NLRP6: variants seen among roughly 807,000 people sequenced by gnomAD.
NLRP6 encodes the protein NACHT, LRR and PYD domains-containing protein 6.
Under a neutral mutation model 70.9 loss-of-function variants are expected in NLRP6, and 55 were observed. That is an observed-to-expected ratio of 0.78 (90% CI 0.62 to 0.97). The LOEUF is 0.97. NLRP6 is among the 50% of genes least tolerant of loss of function. NLRP6 has a pLI of 0.00. For missense variants in NLRP6, 1,241 were observed against 1,238.3 expected (o/e 1.00, Z -0.03); for synonymous variants, 652 against 581.9 (o/e 1.12, Z -1.73).
chr11:278,582 G>C lies in NLRP6; in HGVS notation c.13G>C (p.Glu5Gln). The C allele has an allele frequency of 6.3e-7, 1 of 1,590,966 alleles. No homozygotes were observed. The highest frequency in any genetic ancestry group is 8.6e-7 in the Non-Finnish European group (1 of 1,169,558). ...AGGAAGAGACCCCATGGACCAGCCAGAGGCCCCCTGCTCCAGGTGAGTGCT... is the reference window on the plus strand; with the variant it reads ...AGGAAGAGACCCCATGGACCAGCCACAGGCCCCCTGCTCCAGGTGAGTGCT... MDQP[E>Q]APCSSTGPRL... is the part of the protein sequence containing the mutation. Residue 5 changes from glutamate to glutamine, a missense_variant, in exon 1 of 8, where the codon GAG (glutamate) becomes CAG (glutamine). Physicochemically the swap from Glu to Gln is conservative, Grantham distance 29. Transcript: ENST00000534750. The surrounding 1 kb of genome is among the most constrained non-coding windows in gnomAD (Gnocchi z 4.7).
intron 3 of NLRP6, 54 bp downstream of exon 3, chr11:279,926 C>T (rs2134007023): frequency 8.2e-6 from 12 of 1,460,226 alleles, no homozygotes; most frequent in East Asian, 5.0e-5. Flanking sequence ...TGGAGGGTCC[C>T]GGGGAGGACC....
chr11:279,751 T>C, intron 2 of NLRP6, 83 bp from the exon 3 acceptor site: 5 of 1,431,602 alleles, frequency 3.5e-6, no homozygotes, highest in Non-Finnish European at 4.7e-6. Flanking sequence ...GGACCCTGCG[T>C]GCTCCTCAGG....
chr11:279,578 C>A lies in NLRP6; in HGVS notation c.281C>A (p.Ala94Glu). 7.1e-7 allele frequency: 1 copy of A among 1,416,636 alleles called. No individual in the cohort carries two copies. The highest frequency in any genetic ancestry group is 9.2e-7 in the Non-Finnish European group (1 of 1,089,270). The allele number at this position is 1,416,636 out of a possible 1,614,324, so 87.8% of individuals were successfully genotyped here. The change falls in exon 2 of 8, where the codon GCG (alanine) becomes GAG (glutamate). Residue 94 changes from alanine to glutamate, a missense_variant. Coordinates refer to ENST00000534750, the MANE Select transcript of NLRP6 (RefSeq NM_001276700.2). ...AAGAGGGCGGACGCGCGCGACGTGG[C>A]GGCGCAGCTCCAGGAGCGGCGGCTG... is the stretch of plus-strand genomic sequence containing the variant. ...TLKRADARDV[A>E]AQLQERRLQR...
Position 278,682 on chromosome 11 carries a change from G to T in NLRP6, c.29+84G>T, listed in dbSNP as rs1845423107. On this transcript the variant is annotated intron_variant, in intron 1 of 7. Transcript: ENST00000534750. The surrounding 1 kb of genome is among the most constrained non-coding windows in gnomAD (Gnocchi z 4.7). ...TCCACCTCACCCGCTGACTTCCTCA[G>T]GCTCTCCACCCTTGTCCACATCCTT... is the stretch of plus-strand genomic sequence containing the variant. 9.0e-7 allele frequency: 1 copy of T among 1,111,554 alleles called. No individual in the cohort carries two copies. Among genetic ancestry groups the T allele is most frequent in the Non-Finnish European group, 1.3e-6 (1 of 775,926 alleles). The allele number at this position is 1,111,554 out of a possible 1,614,324, so 68.9% of individuals were successfully genotyped here.
chr11:283,343 T>C (rs1296824203), intron 5 of NLRP6, among the ~76,000 whole-genome samples: 1 of 129,136 alleles, frequency 7.7e-6, no homozygotes, highest in Non-Finnish European at 1.6e-5. Context: ...AGACGGAGCC[T>C]CGCTCTGTCG....
chr11:281,677 G>C lies in NLRP6; in HGVS notation c.1943G>C (p.Arg648Pro), dbSNP rs1406039881. The C allele has an allele frequency of 1.2e-6, 2 of 1,613,440 alleles. No individual in the cohort carries two copies. Among genetic ancestry groups the C allele is most frequent in the Admixed American group, 1.7e-5 (1 of 60,032 alleles). ...LCRFPELALQ[R>P]VRFCRMDVAV... is the part of the protein sequence containing the mutation. ...CGGTTCCCGGAGCTGGCGCTGCAGC[G>C]AGTGCGCTTCTGCCGCATGGACGTG... Residue 648 changes from arginine (R) to proline (P), a missense_variant, in exon 4 of 8, where the codon CGA becomes CCA. Transcript: ENST00000534750.
At position 281,797 on chromosome 11, in the gene NLRP6, A is replaced by G. The variant is rs774928875; in HGVS notation, c.2063A>G (p.Lys688Arg). The G allele has an allele frequency of 1.2e-4, 195 of 1,596,874 alleles. No individual in the cohort carries two copies. Among genetic ancestry groups the G allele is most frequent in the Non-Finnish European group, 1.3e-4 (152 of 1,174,896 alleles). The change falls in exon 4 of 8, where the codon AAG becomes AGG. Residue 688 changes from lysine to arginine, a missense_variant. By Grantham distance (26) the Lys-to-Arg change is conservative (BLOSUM62 2). Transcript: ENST00000534750. ...GTTGCTGCGCAGGAGAAGAAGAAGA[A>G]GAGCCTGGGGAAGCGGCTCCAGGCC... ...RLVAAQEKKK[K>R]SLGKRLQASL... is the part of the protein sequence containing the mutation.
chr11:278,982 C>G lies in NLRP6; in HGVS notation c.30-345C>G, dbSNP rs1845426510. On this transcript the variant is annotated intron_variant, in intron 1 of 7. Coordinates refer to ENST00000534750, the MANE Select transcript of NLRP6 (RefSeq NM_001276700.2). The surrounding 1 kb of genome is among the most constrained non-coding windows in gnomAD (Gnocchi z 4.7). ...CTCAGGGTTCCTTGGAAATACCTCCCTCGGGGCATGTGACCTGTCCTGGGG... is the reference window on the plus strand; with the variant it reads ...CTCAGGGTTCCTTGGAAATACCTCCGTCGGGGCATGTGACCTGTCCTGGGG... The G allele has an allele frequency of 8.6e-6, 3 of 349,978 alleles. No homozygotes were observed. Among genetic ancestry groups the G allele is most frequent in the Non-Finnish European group, 1.5e-5 (3 of 194,406 alleles). 21.7% of individuals were successfully genotyped at this position (349,978 alleles called of 1,614,324 possible).
chr11:278,686 C>T lies in NLRP6; in HGVS notation c.29+88C>T. On this transcript the variant is annotated intron_variant, in intron 1 of 7. Transcript: ENST00000534750. The surrounding 1 kb of genome is among the most constrained non-coding windows in gnomAD (Gnocchi z 4.7). Reference sequence around the variant, plus strand: ...CCTCACCCGCTGACTTCCTCAGGCTCTCCACCCTTGTCCACATCCTTCCCC... The same window carrying T: ...CCTCACCCGCTGACTTCCTCAGGCTTTCCACCCTTGTCCACATCCTTCCCC... 3 of 1,059,052 alleles carry T rather than the reference C, an allele frequency of 2.8e-6. No homozygotes were observed. The highest frequency in any genetic ancestry group is 4.1e-6 in the Non-Finnish European group (3 of 736,590). The allele number at this position is 1,059,052 out of a possible 1,614,324, so 65.6% of individuals were successfully genotyped here.
chr11:282,924 C>T, intron 5 of NLRP6, 127 bp downstream of exon 5: 1 of 726,566 alleles, frequency 1.4e-6, no homozygotes, highest in South Asian at 1.5e-5. Context: ...CCTGTGGGTG[C>T]TGGAGATGGC....
rs747799844 is a variant in NLRP6 at position 281,828 on chromosome 11, G to C, written c.2094G>C (p.Leu698=). The C allele has an allele frequency of 6.3e-7, 1 of 1,577,944 alleles. No individual in the cohort carries two copies. The highest frequency in any genetic ancestry group is 1.3e-5 in the African/African-American group (1 of 74,388). The change falls in exon 4 of 8, where the codon CTG becomes CTC. Residue 698 remains leucine, a synonymous_variant. Coordinates refer to ENST00000534750, the MANE Select transcript of NLRP6 (RefSeq NM_001276700.2). ...KSLGKRLQAS[L]GGGSSQGTTK... is the part of the protein sequence containing the mutation. ...TGGGGAAGCGGCTCCAGGCCAGCCTGGGTGGCGGCAGGTGCGTCTCCAGGG... is the reference window on the plus strand; with the variant it reads ...TGGGGAAGCGGCTCCAGGCCAGCCTCGGTGGCGGCAGGTGCGTCTCCAGGG...
rs1157744774 is a variant in NLRP6 at position 281,599 on chromosome 11, T to A, written c.1865T>A (p.Leu622Gln). 2 of 1,611,606 alleles carry A rather than the reference T, an allele frequency of 1.2e-6. No homozygotes were observed. The highest frequency in any genetic ancestry group is 1.7e-6 in the Non-Finnish European group (2 of 1,178,850). The change falls in exon 4 of 8, where the codon CTG becomes CAG. Residue 622 changes from leucine to glutamine, a missense_variant. By Grantham distance (113) the Leu-to-Gln change is moderately radical. Coordinates refer to ENST00000534750, the MANE Select transcript of NLRP6 (RefSeq NM_001276700.2). ...GAGCCCAACTACCCACTGGAGTTGC[T>A]GTACTGCCTGTACGAGACGCAGGAG... Reference protein sequence around the residue: ...GEEPNYPLELLYCLYETQEDA... With the variant: ...GEEPNYPLELQYCLYETQEDA...
chr11:281,208 G>C lies in NLRP6; in HGVS notation c.1474G>C (p.Glu492Gln). 1 of 1,613,238 alleles carries C rather than the reference G, an allele frequency of 6.2e-7. No homozygotes were observed. The highest frequency in any genetic ancestry group is 8.5e-7 in the Non-Finnish European group (1 of 1,179,978). ...KKELPGVLETEVTYQFIDQSF... is the reference protein window; with the variant it reads ...KKELPGVLETQVTYQFIDQSF... ...GGAGCTGCCGGGCGTGCTGGAGACAGAGGTCACCTACCAGTTCATCGACCA... is the reference window on the plus strand; with the variant it reads ...GGAGCTGCCGGGCGTGCTGGAGACACAGGTCACCTACCAGTTCATCGACCA... The change falls in exon 4 of 8, where the codon GAG (glutamate) becomes CAG (glutamine). Residue 492 changes from glutamate to glutamine, a missense_variant. Physicochemically the swap from Glu to Gln is conservative, Grantham distance 29. Coordinates refer to ENST00000534750, the MANE Select transcript of NLRP6 (RefSeq NM_001276700.2).
intron 2 of NLRP6, 78 bp downstream of exon 2, chr11:279,685 G>A (rs1444247775): frequency 3.7e-6 from 5 of 1,357,152 alleles, no homozygotes; most frequent in African/African-American, 3.1e-5. Context: ...GAGAAGCCCC[G>A]GCGCGGTCCC....
At chr11:279,935 C>T in intron 3 of NLRP6, 63 bp downstream of exon 3, 1 of 1,457,384 alleles carries the variant, frequency 6.9e-7, no homozygotes, top group Non-Finnish European at 9.1e-7. Flanking sequence ...CCGGGGAGGA[C>T]CGGGGTGGGA....
rs1483620434 is a variant in NLRP6 at position 280,092 on chromosome 11, A to G, written c.358A>G (p.Lys120Glu). The change falls in exon 4 of 8, where the codon AAG becomes GAG. Residue 120 changes from lysine (K) to glutamate (E), a missense_variant. Transcript: ENST00000534750. ...TCTCCCGCTGCGCCCAGAGTACAAGAAGAAGTACCGGGAGCACGTGCTGCA... is the reference window on the plus strand; with the variant it reads ...TCTCCCGCTGCGCCCAGAGTACAAGGAGAAGTACCGGGAGCACGTGCTGCA... ...GTLLSVSEYK[K>E]KYREHVLQLH... 2 of 1,505,146 alleles carry G rather than the reference A, an allele frequency of 1.3e-6. No homozygotes were observed. The highest frequency in any genetic ancestry group is 1.3e-5 in the South Asian group (1 of 78,262). The allele number at this position is 1,505,146 out of a possible 1,614,324, so 93.2% of individuals were successfully genotyped here.
rs978579505 is a variant in NLRP6, at chr11:279,491, C to T, written c.194C>T (p.Ala65Val). The T allele has an allele frequency of 6.9e-7, 1 of 1,445,760 alleles. No individual in the cohort carries two copies. Among genetic ancestry groups the T allele is most frequent in the Non-Finnish European group, 9.1e-7 (1 of 1,099,342 alleles). The allele number at this position is 1,445,760 out of a possible 1,614,324, so 89.6% of individuals were successfully genotyped here. A position where few individuals can be genotyped will look rare whatever the true frequency, so the allele number is the denominator to read the frequency against. Residue 65 changes from alanine (A) to valine (V), a missense_variant, in exon 2 of 8, where the codon GCG becomes GTG. Coordinates refer to ENST00000534750, the MANE Select transcript of NLRP6 (RefSeq NM_001276700.2). ...GAGCGCGCGGACGCCGTGGACCTCG[C>T]GGAGCAGCTGGCCCAGTTCTACGGC... ...RLERADAVDL[A>V]EQLAQFYGPE...
At position 281,829 on chromosome 11, in the gene NLRP6, G is replaced by A. The variant is rs760113232; in HGVS notation, c.2095G>A (p.Gly699Ser). The change falls in exon 4 of 8, where the codon GGT becomes AGT. Residue 699 changes from glycine (G) to serine (S), a missense_variant. Gly to Ser is a moderately conservative substitution (Grantham distance 56). Coordinates refer to ENST00000534750, the MANE Select transcript of NLRP6 (RefSeq NM_001276700.2). ...SLGKRLQASLGGGSSQGTTKQ... is the reference protein window; with the variant it reads ...SLGKRLQASLSGGSSQGTTKQ... ...GGGGAAGCGGCTCCAGGCCAGCCTG[G>A]GTGGCGGCAGGTGCGTCTCCAGGGC... 6.4e-6 allele frequency: 10 copies of A among 1,574,082 alleles called. No homozygotes were observed. Among genetic ancestry groups the A allele is most frequent in the South Asian group, 2.3e-5 (2 of 88,408 alleles).
chr11:282,850 C>A, intron 5 of NLRP6, 53 bp downstream of exon 5: 1 of 1,311,368 alleles, frequency 7.6e-7, no homozygotes, highest in Non-Finnish European at 1.1e-6. Flanking sequence ...GAGCAGGATG[C>A]CCTGGGCAGA....
Sources: allele counts gnomAD v4.1 joint callset (sites outside exome capture counted in the v4.1 genomes callset), GRCh38; gene constraint gnomAD v4.1.1; non-coding constraint Gnocchi (gnomAD v3.1); transcripts MANE v1.5; gene names NCBI Gene and HGNC (gene_info 2026-07-23, HGNC 2026-07-21).